The following NELL1 variants were observed in gnomAD, a reference collection of about 807,000 sequenced individuals.
NELL1 encodes protein kinase C-binding protein NELL1.
A neutral mutation model predicts 107.4 loss-of-function variants in NELL1; 76 were observed. The ratio of observed to expected loss-of-function variants is 0.71; its 90% CI spans 0.59 to 0.86. The LOEUF is 0.86. NELL1 is among the 40% of genes least tolerant of loss of function. The probability of loss-of-function intolerance (pLI) is 0.00; values close to 1 mark genes in which losing one functional copy is unlikely to be tolerated. For missense variants in NELL1, 1,024 were observed against 1,005.5 expected (o/e 1.02, Z -0.25); for synonymous variants, 353 against 341.2 (o/e 1.03, Z -0.38).
intron 10 of NELL1, among the ~76,000 whole-genome samples, chr11:20,939,741 T>C (rs1850809238): frequency 6.6e-6 from 1 of 152,086 alleles, no homozygotes; most frequent in Non-Finnish European, 1.5e-5. Flanking sequence ...CAAAATGTGA[T>C]AAATGCTCTC....
chr11:21,142,737 G>A (rs2133773908), intron 13 of NELL1, among the ~76,000 whole-genome samples: 1 of 152,252 alleles, frequency 6.6e-6, no homozygotes, highest in African/African-American at 2.4e-5. Context: ...GTTCACCCTG[G>A]AGTCTCTTTG....
rs538683728 is a variant in NELL1 at position 20,776,477 on chromosome 11, T to TTA, written c.185-7191_185-7190dup. ...AAATAAATAAAAATAAAATAAAATTTTATATATATATATCACTTAATAAAA... is the reference window on the plus strand; with the variant it reads ...AAATAAATAAAAATAAAATAAAATTTTATATATATATATATCACTTAATAAAA... On this transcript the variant is annotated intron_variant, in intron 2 of 19. Coordinates refer to ENST00000357134, the MANE Select transcript of NELL1 (RefSeq NM_006157.5). 7.0e-4 allele frequency among the ~76,000 whole-genome samples: 105 copies of TTA among 150,966 alleles called. 2 individuals are homozygous for TTA. The East Asian group carries it at 0.015, about 22-fold the overall frequency.
intron 15 of NELL1, among the ~76,000 whole-genome samples, chr11:21,514,172 C>A (rs1403771310): frequency 1.3e-5 from 2 of 152,012 alleles, no homozygotes; most frequent in Admixed American, 1.3e-4. Context: ...CATCATTTTG[C>A]AAATATCAAA....
At chr11:20,848,130 A>G (rs1252312262) in intron 4 of NELL1, among the ~76,000 whole-genome samples, 2 of 152,200 alleles carry the variant, frequency 1.3e-5, no homozygotes, top group African/African-American at 2.4e-5. Flanking sequence ...AAGCTTGTCT[A>G]CCCTGGAATG....
intron 14 of NELL1, among the ~76,000 whole-genome samples, chr11:21,287,933 C>G (rs1050292303): frequency 2.0e-5 from 3 of 150,564 alleles, no homozygotes; most frequent in African/African-American, 7.4e-5. Flanking sequence ...AGCATCAGAA[C>G]CTAGGATAGG....
At chr11:20,972,005 A>T (rs1046892858) in intron 12 of NELL1, among the ~76,000 whole-genome samples, 2 of 147,644 alleles carry the variant, frequency 1.4e-5, no homozygotes, top group African/African-American at 5.0e-5. Context: ...GAGGGGAACA[A>T]CAGACACTGG....
At chr11:21,250,200 T>C (rs1238765397) in intron 14 of NELL1, among the ~76,000 whole-genome samples, 2 of 152,212 alleles carry the variant, frequency 1.3e-5, no homozygotes, top group Non-Finnish European at 2.9e-5. Context: ...TCAAAAAGCA[T>C]CTTCACATAT....
intron 14 of NELL1, among the ~76,000 whole-genome samples, chr11:21,290,968 G>GA (rs147738917): frequency 0.029 from 4,426 of 152,240 alleles, 85 homozygotes; most frequent in South Asian, 0.057. Context: ...TCCAGTAAGG[G>GA]AACGAAACTG....
intron 14 of NELL1, among the ~76,000 whole-genome samples, chr11:21,309,282 A>ATATATATATATATG (rs1849685440): frequency 1.3e-3 from 13 of 10,320 alleles, no homozygotes; most frequent in East Asian, 4.4e-3. Context: ...ATATATATGT[A>ATATATATATATATG]TATATATATA....
intron 2 of NELL1, among the ~76,000 whole-genome samples, chr11:20,687,468 A>G (rs957758863): frequency 1.3e-5 from 2 of 152,030 alleles, no homozygotes; most frequent in African/African-American, 4.8e-5. Context: ...ATGAATGGCT[A>G]TGTATAAACA....
At chr11:20,961,200 G>GT (rs1422566042) in intron 12 of NELL1, among the ~76,000 whole-genome samples, 9 of 152,078 alleles carry the variant, frequency 5.9e-5, no homozygotes, top group South Asian at 2.1e-4. Context: ...AGAGAGCACC[G>GT]TTTTTTCAGG....
chr11:21,449,515 CTT>C (rs1379257723), intron 15 of NELL1, among the ~76,000 whole-genome samples: 1 of 151,774 alleles, frequency 6.6e-6, no homozygotes, highest in Non-Finnish European at 1.5e-5. Context: ...TGTGGCTTGT[CTT>C]TTTATTTTTA....
chr11:21,547,982 A>G (rs1856484823), intron 16 of NELL1, among the ~76,000 whole-genome samples: 1 of 151,886 alleles, frequency 6.6e-6, no homozygotes, highest in Non-Finnish European at 1.5e-5. Context: ...ACCGATTCCT[A>G]AATATACAAT....
intron 12 of NELL1, among the ~76,000 whole-genome samples, chr11:21,062,164 A>G (rs1853757920): frequency 6.6e-6 from 1 of 152,254 alleles, no homozygotes; most frequent in East Asian, 1.9e-4. Flanking sequence ...TGTGAAATGC[A>G]CACTACATTT....
At chr11:20,783,635 T>C (rs756991162) in intron 2 of NELL1, 45 bp from the exon 3 acceptor site, 1 of 1,475,510 alleles carries the variant, frequency 6.8e-7, no homozygotes, top group Non-Finnish European at 9.3e-7. Flanking sequence ...TTCTCCTTCC[T>C]CTTCTCCTCT....
intron 3 of NELL1, among the ~76,000 whole-genome samples, chr11:20,803,867 C>G (rs548797982): frequency 6.6e-6 from 1 of 152,156 alleles, no homozygotes; most frequent in South Asian, 2.1e-4. Flanking sequence ...AGAATATGAG[C>G]AGGCAGAAAA....
intron 15 of NELL1, among the ~76,000 whole-genome samples, chr11:21,384,587 C>A (rs181384458): frequency 7.2e-4 from 109 of 152,040 alleles, no homozygotes; most frequent in Non-Finnish European, 1.0e-3. Context: ...CCAGTGCTAT[C>A]CCTCCCGCCT....
At position 21,490,086 on chromosome 11, in the gene NELL1, A is replaced by G. The variant is rs545691585; in HGVS notation, c.1646-44288A>G. Among the ~76,000 whole-genome samples, 3 of 152,262 alleles carry G rather than the reference A, an allele frequency of 2.0e-5. No homozygotes were observed. In the South Asian group the frequency reaches 6.2e-4, roughly 32 times the overall value. ...AAAATCTCCTACATTTGATATATTC[A>G]GTAAAGCTGTAGGAGAGAAAATTAA... On this transcript the variant is annotated intron_variant, in intron 15 of 19. Transcript: ENST00000357134.
At chr11:21,372,692 T>G (rs2133755828) in intron 15 of NELL1, among the ~76,000 whole-genome samples, 1 of 151,338 alleles carries the variant, frequency 6.6e-6, no homozygotes, top group East Asian at 2.0e-4. Flanking sequence ...TATCAGGGGG[T>G]GGTTTCACGA....
Sources: gnomAD v4.1 joint callset for allele counts (sites outside exome capture counted in the v4.1 genomes callset) on GRCh38, gnomAD v4.1.1 for gene constraint, MANE v1.5 for transcripts, NCBI Gene and HGNC (gene_info 2026-07-23, HGNC 2026-07-21) for gene names.